Variants in RGS12 observed in about 807,000 individuals in gnomAD.
RGS12 encodes regulator of G-protein signaling 12.
RGS12 carries 66 observed loss-of-function variants against 120.1 expected under a neutral mutation model. That is an observed-to-expected ratio of 0.55 (90% CI 0.45 to 0.67). The LOEUF is 0.67. RGS12 is among the 30% of genes least tolerant of loss of function. The probability of loss-of-function intolerance (pLI) is 0.00; values close to 1 mark genes in which losing one functional copy is unlikely to be tolerated. For synonymous variants in RGS12, 827 were observed against 804.7 expected, an observed-to-expected ratio of 1.03 and a Z score of -0.47; for missense variants, 1,859 against 1,957.7, an observed-to-expected ratio of 0.95 and a Z score of 0.95.
chr4:3,335,376 G>T (rs1712326639), intron 2 of RGS12, among the ~76,000 whole-genome samples: 1 of 152,170 alleles, frequency 6.6e-6, no homozygotes, highest in Non-Finnish European at 1.5e-5. Flanking sequence ...AATTCTTCCT[G>T]CCGCACAGAG....
Position 3,365,904 on chromosome 4 carries a change from G to A in RGS12, c.1999-20512G>A, listed in dbSNP as rs966598357. Among the ~76,000 whole-genome samples the A allele has an allele frequency of 6.6e-6, 1 of 152,180 alleles. No homozygotes were observed. The highest frequency in any genetic ancestry group is 2.4e-5 in the African/African-American group (1 of 41,430). On this transcript the variant is annotated intron_variant, in intron 3 of 17. Transcript: ENST00000336727. This position sits in a 1 kb window ranked among gnomAD's most constrained non-coding sequence, Gnocchi z 4.0. ...CCTTCTCATTGAGTGAATGTTTGTT[G>A]AACACCTACTATGTGCCCGACATTA... is the stretch of plus-strand genomic sequence containing the variant.
intron 4 of RGS12, among the ~76,000 whole-genome samples, chr4:3,408,209 G>A (rs973599447): frequency 6.6e-6 from 1 of 152,214 alleles, no homozygotes; most frequent in African/African-American, 2.4e-5. Flanking sequence ...TCGGAATGGT[G>A]GCTTGTGCAA....
At chr4:3,343,182 C>T in intron 3 of RGS12, 129 bp downstream of exon 3, 1 of 644,194 alleles carries the variant, frequency 1.6e-6, no homozygotes, top group East Asian at 2.7e-5. Context: ...AGTGGTAACC[C>T]CTGTTTTCTG....
intron 4 of RGS12, among the ~76,000 whole-genome samples, chr4:3,406,568 T>C (rs190966881): frequency 6.6e-6 from 1 of 152,344 alleles, no homozygotes; most frequent in Admixed American, 6.5e-5. Flanking sequence ...GCAGTTGCTG[T>C]CGGGGGCCGC....
At chr4:3,381,831 T>C (rs1444640142) in intron 3 of RGS12, among the ~76,000 whole-genome samples, 1 of 152,202 alleles carries the variant, frequency 6.6e-6, no homozygotes, top group Non-Finnish European at 1.5e-5. Context: ...TGGTCATGAC[T>C]TTTCCTGACA....
At chr4:3,356,050 A>ATT (rs35966486) in intron 3 of RGS12, among the ~76,000 whole-genome samples, 6 of 123,432 alleles carry the variant, frequency 4.9e-5, no homozygotes, top group East Asian at 2.2e-4. Flanking sequence ...ATCTTTTTCA[A>ATT]TTTTTTTTTT....
chr4:3,422,370 C>A lies in RGS12; in HGVS notation c.2839-6C>A, dbSNP rs1050725790. On this transcript the variant is annotated splice_region_variant and splice_polypyrimidine_tract_variant and intron_variant, in intron 10 of 17. Coordinates refer to ENST00000336727, the MANE Select transcript of RGS12 (RefSeq NM_001394154.1). ...CCTCACGGCTGCTTGTCTCGCTGCT[C>A]CCCAGTCGGAGGCCTGCAGGACTTT... 1 of 1,608,356 alleles carries A rather than the reference C, an allele frequency of 6.2e-7. No homozygotes were observed. Among genetic ancestry groups the A allele is most frequent in the South Asian group, 1.1e-5 (1 of 90,470 alleles).
intron 4 of RGS12, among the ~76,000 whole-genome samples, chr4:3,392,005 A>C (rs968258724): frequency 6.6e-6 from 1 of 152,224 alleles, no homozygotes; most frequent in Admixed American, 6.5e-5. Context: ...ATGGTCTGAA[A>C]ATGTTAATAG....
At chr4:3,403,323 T>G (rs1327391544) in intron 4 of RGS12, among the ~76,000 whole-genome samples, 1 of 152,204 alleles carries the variant, frequency 6.6e-6, no homozygotes, top group Non-Finnish European at 1.5e-5. Flanking sequence ...GGAAGTACAC[T>G]ATATCTCGAG....
chr4:3,414,886 G>A (rs372475549), intron 6 of RGS12, 42 bp downstream of exon 6: 318 of 1,433,718 alleles, frequency 2.2e-4, no homozygotes, highest in Non-Finnish European at 2.8e-4. Context: ...TGAGAGTGGC[G>A]TGTGAGAGAG....
At position 3,317,912 on chromosome 4, in the gene RGS12, C is replaced by T. The variant is rs1724904144; in HGVS notation, c.1742C>T (p.Ala581Val). ...TLPPPMSKIP[A>V]DRYRVEGSFA... ...CCCCCTCCTATGAGCAAGATCCCCG[C>T]AGACCGCTACAGGGTGGAGGGCAGC... Residue 581 changes from alanine to valine, a missense_variant, in exon 2 of 18, where the codon GCA becomes GTA. Physicochemically the swap from Ala to Val is moderately conservative, Grantham distance 64. Around this residue, in one of 3 missense-constraint regions of RGS12, gnomAD observed 967 missense variants for 994.2 expected, o/e 0.97. Coordinates refer to ENST00000336727, the MANE Select transcript of RGS12 (RefSeq NM_001394154.1). 1.2e-6 allele frequency: 2 copies of T among 1,614,154 alleles called. No homozygotes were observed. Among genetic ancestry groups the T allele is most frequent in the South Asian group, 2.2e-5 (2 of 91,088 alleles).
chr4:3,438,369 T>TG (rs1175582905), intron 17 of RGS12, among the ~76,000 whole-genome samples: 6 of 144,972 alleles, frequency 4.1e-5, no homozygotes, highest in East Asian at 2.1e-4. Context: ...ACCGCACAGA[T>TG]GGGGGGGTGG....
intron 17 of RGS12, chr4:3,431,158 G>A: frequency 7.0e-7 from 1 of 1,418,484 alleles, no homozygotes. Context: ...TGTCAGGATG[G>A]TCCCCCCGAG....
intron 8 of RGS12, 75 bp from the exon 9 acceptor site, chr4:3,417,313 A>G: frequency 6.8e-7 from 1 of 1,468,308 alleles, no homozygotes; most frequent in Non-Finnish European, 9.1e-7. Flanking sequence ...ACAGCTCAGT[A>G]TTGCCTCCTT....
intron 4 of RGS12, among the ~76,000 whole-genome samples, chr4:3,397,960 A>G (rs1181303883): frequency 6.6e-6 from 1 of 152,240 alleles, no homozygotes; most frequent in Non-Finnish European, 1.5e-5. Context: ...TTAGGTTTAC[A>G]TCCTAATTCT....
intron 3 of RGS12, chr4:3,370,220 A>C (rs779980088): frequency 1.2e-6 from 2 of 1,604,916 alleles, no homozygotes; most frequent in Non-Finnish European, 8.5e-7. Context: ...TGCGGTGTTG[A>C]ATGGTGTGTC....
intron 3 of RGS12, among the ~76,000 whole-genome samples, chr4:3,363,773 A>G (rs769518114): frequency 3.9e-4 from 60 of 152,248 alleles, no homozygotes; most frequent in South Asian, 1.2e-3. Context: ...GAGTGGGGTC[A>G]CCAGAGTGAA....
chr4:3,355,047 A>C (rs549580192), intron 3 of RGS12, among the ~76,000 whole-genome samples: 1 of 152,374 alleles, frequency 6.6e-6, no homozygotes, highest in South Asian at 2.1e-4. Flanking sequence ...AGATGTGAGA[A>C]TCCTAAACAA....
At chr4:3,392,730 T>C (rs1217915182) in intron 4 of RGS12, among the ~76,000 whole-genome samples, 1 of 152,220 alleles carries the variant, frequency 6.6e-6, no homozygotes, top group East Asian at 1.9e-4. Flanking sequence ...GGTTCATGCC[T>C]GTAATCCCAG....
Sources: allele counts gnomAD v4.1 joint callset (sites outside exome capture counted in the v4.1 genomes callset), GRCh38; gene constraint gnomAD v4.1.1; regional missense constraint gnomAD v4.1.1; non-coding constraint Gnocchi (gnomAD v3.1); transcripts MANE v1.5; gene names NCBI Gene and HGNC (gene_info 2026-07-23, HGNC 2026-07-21).